MSANTD1: variants seen among roughly 807,000 people sequenced by gnomAD.
MSANTD1 encodes myb/SANT-like DNA-binding domain-containing protein 1.
A neutral mutation model predicts 24.2 loss-of-function variants in MSANTD1; 7 were observed. That is an observed-to-expected ratio of 0.29 (90% CI 0.16 to 0.54). MSANTD1 has a LOEUF of 0.54. Among genes scored for constraint, MSANTD1 ranks in the 20% least tolerant of loss-of-function variants. The pLI, the probability that MSANTD1 is intolerant of heterozygous loss-of-function variation, is 0.94. For synonymous variants in MSANTD1, 177 were observed against 181.1 expected, an observed-to-expected ratio of 0.98 and a Z score of 0.18; for missense variants, 384 against 408.2, an observed-to-expected ratio of 0.94 and a Z score of 0.51.
chr4:3,244,531 C>T (rs1327779873), upstream of MSANTD1: 1 of 152,278 alleles, frequency 6.6e-6, no homozygotes, highest in Non-Finnish European at 1.5e-5. Context: ...GGGCCTGCCC[C>T]GTCTATTCTA....
chr4:3,246,611 C>G, upstream of MSANTD1: 1 of 685,386 alleles, frequency 1.5e-6, no homozygotes. Context: ...TGACCAGCCT[C>G]TGGCCCTAGG....
chr4:3,246,795 G>A, upstream of MSANTD1: 1 of 583,434 alleles, frequency 1.7e-6, no homozygotes, highest in South Asian at 2.0e-5. Flanking sequence ...CAGTGTGAGG[G>A]CTCTGCCTCG....
At chr4:3,253,823 G>A (rs1041423737) in intron 2 of MSANTD1, among the ~76,000 whole-genome samples, 4 of 152,184 alleles carry the variant, frequency 2.6e-5, no homozygotes, top group Non-Finnish European at 4.4e-5. Context: ...CATGGGGCCC[G>A]GCACACGGAG....
In MSANTD1 at chr4:3,255,740, G is replaced by A. The variant is rs569109247; in HGVS notation, c.612G>A (p.Pro204=). 1.6e-5 allele frequency: 24 copies of A among 1,542,266 alleles called. No homozygotes were observed. Among genetic ancestry groups the A allele is most frequent in the Middle Eastern group, 2.2e-4 (1 of 4,564 alleles). ...GTCCTTCCAGGTCGGAGGAGCGGCC[G>A]GTGAAGAAGCGCAAGGTGCAGAGCT... ...LSLKFRSEER[P]VKKRKVQSCH... The change falls in exon 3 of 3, where the codon CCG becomes CCA. Residue 204 remains proline (P), a synonymous_variant. Coordinates refer to ENST00000438480, the MANE Select transcript of MSANTD1 (RefSeq NM_001042690.2).
upstream of MSANTD1, chr4:3,247,699 G>A (rs1026269419): frequency 1.3e-5 from 2 of 152,378 alleles, no homozygotes; most frequent in African/African-American, 4.8e-5. Flanking sequence ...ACCCAGTGTA[G>A]GGGGTGCAGA....
At chr4:3,249,013 T>TGGCCCGTC, upstream of MSANTD1, 1 of 428,900 alleles carries the variant, frequency 2.3e-6, no homozygotes, top group Admixed American at 4.3e-5. Flanking sequence ...GCAATATTGA[T>TGGCCCGTC]GGCCCGTCAG....
At chr4:3,245,699 C>T (rs1305189174), upstream of MSANTD1, among the ~76,000 whole-genome samples, 3 of 152,314 alleles carry the variant, frequency 2.0e-5, no homozygotes, top group East Asian at 3.9e-4. Flanking sequence ...ACATCGCTTG[C>T]GGGTCCCCCA....
rs375757229 is a variant in MSANTD1 at position 3,249,379 on chromosome 4, G to A, written c.157G>A (p.Gly53Ser). The change falls in exon 1 of 3, where the codon GGC becomes AGC. Residue 53 changes from glycine to serine, a missense_variant. Coordinates refer to ENST00000438480, the MANE Select transcript of MSANTD1 (RefSeq NM_001042690.2). ...CAACTGGACGGACGCCGAGATGCGCGGCCTCATGCTGGTCTGGGAGGAGTT... is the reference window on the plus strand; with the variant it reads ...CAACTGGACGGACGCCGAGATGCGCAGCCTCATGCTGGTCTGGGAGGAGTT... ...ARNWTDAEMR[G>S]LMLVWEEFFD... 5.3e-5 allele frequency: 83 copies of A among 1,580,738 alleles called. No individual in the cohort carries two copies. The highest frequency in any genetic ancestry group is 4.3e-4 in the South Asian group (37 of 86,288).
chr4:3,255,422 C>G (rs1722355722), intron 2 of MSANTD1, among the ~76,000 whole-genome samples: 1 of 152,142 alleles, frequency 6.6e-6, no homozygotes, highest in Non-Finnish European at 1.5e-5. Flanking sequence ...TGGGGTTTCA[C>G]CATGTTGGCC....
intron 2 of MSANTD1, among the ~76,000 whole-genome samples, chr4:3,254,550 C>T (rs1021118203): frequency 1.3e-5 from 2 of 152,218 alleles, no homozygotes; most frequent in Admixed American, 1.3e-4. Context: ...TGGCTGTACC[C>T]TCTCAGCTCA....
upstream of MSANTD1, chr4:3,248,402 C>G (rs1201980002): frequency 6.5e-6 from 1 of 152,916 alleles, no homozygotes. Flanking sequence ...TGGCTCTTCC[C>G]AGGAGTGCCC....
rs970098328 is a variant in MSANTD1, at chr4:3,256,013, T to G, written c.*48T>G. 1 of 1,457,994 alleles carries G rather than the reference T, an allele frequency of 6.9e-7. No homozygotes were observed. Among genetic ancestry groups the G allele is most frequent in the African/African-American group, 1.4e-5 (1 of 69,938 alleles). The allele number at this position is 1,457,994 out of a possible 1,614,324, so 90.3% of individuals were successfully genotyped here. ...GGGGCCGGGCGGCTGGTGGTACTGC[T>G]CAGGCCACCCAGGGCAGGCCACTCA... On this transcript the variant is annotated 3_prime_UTR_variant, in exon 3 of 3. Transcript: ENST00000438480.
chr4:3,247,072 A>T (rs1378227932), upstream of MSANTD1, among the ~76,000 whole-genome samples: 1 of 152,112 alleles, frequency 6.6e-6, no homozygotes, highest in African/African-American at 2.4e-5. Flanking sequence ...CCCTTCAGCC[A>T]GGACAGTAGG....
intron 1 of MSANTD1, among the ~76,000 whole-genome samples, chr4:3,249,950 G>T (rs1227995281): frequency 6.6e-6 from 1 of 152,210 alleles, no homozygotes; most frequent in East Asian, 1.9e-4. Context: ...GGCTGCCAGT[G>T]CCCTCCCCAC....
At position 3,249,354 on chromosome 4, in the gene MSANTD1, C is replaced by A; in HGVS notation, c.132C>A (p.Arg44=). Residue 44 remains arginine, a synonymous_variant, in exon 1 of 3, where the codon CGC becomes CGA. Coordinates refer to ENST00000438480, the MANE Select transcript of MSANTD1 (RefSeq NM_001042690.2). ...SPQAEKHRRA[R]NWTDAEMRGL... ...AGGCGGAGAAGCACCGGCGGGCCCG[C>A]AACTGGACGGACGCCGAGATGCGCG... 1 of 1,557,488 alleles carries A rather than the reference C, an allele frequency of 6.4e-7. No homozygotes were observed. The highest frequency in any genetic ancestry group is 8.7e-7 in the Non-Finnish European group (1 of 1,150,934).
At chr4:3,247,228 C>T (rs1722057758), upstream of MSANTD1, among the ~76,000 whole-genome samples, 1 of 152,158 alleles carries the variant, frequency 6.6e-6, no homozygotes, top group Admixed American at 6.5e-5. Flanking sequence ...ATCCTGTTAC[C>T]CCTGTTGTGG....
At chr4:3,247,812 A>C (rs1013636794), upstream of MSANTD1, 3 of 149,750 alleles carry the variant, frequency 2.0e-5, no homozygotes, top group African/African-American at 7.6e-5. Context: ...TATGCTGGGC[A>C]CCCACAGTGG....
At chr4:3,247,693 A>G (rs960575310), upstream of MSANTD1, 13 of 152,390 alleles carry the variant, frequency 8.5e-5, no homozygotes, top group African/African-American at 2.9e-4. Context: ...CCAGGGACCC[A>G]GTGTAGGGGG....
At chr4:3,247,688 G>T (rs534302538), upstream of MSANTD1, 273 of 152,548 alleles carry the variant, frequency 1.8e-3, no homozygotes, top group Middle Eastern at 0.017. Flanking sequence ...CTTGACCAGG[G>T]ACCCAGTGTA....
Sources: gnomAD v4.1 joint callset for allele counts (sites outside exome capture counted in the v4.1 genomes callset) on GRCh38, gnomAD v4.1.1 for gene constraint, MANE v1.5 for transcripts, NCBI Gene and HGNC (gene_info 2026-07-23, HGNC 2026-07-21) for gene names.